SP4: variants seen among roughly 807,000 people sequenced by gnomAD.
SP4 encodes Sp4 transcription factor.
In SP4, 19 loss-of-function variants were observed where a neutral mutation model predicts 72.8. The ratio of observed to expected loss-of-function variants is 0.26; its 90% CI spans 0.18 to 0.38. The LOEUF is 0.38. Among genes scored for constraint, SP4 ranks in the 10% least tolerant of loss-of-function variants. The probability of loss-of-function intolerance (pLI) is 1.00; values close to 1 mark genes in which losing one functional copy is unlikely to be tolerated. For missense variants in SP4, 1,008 were observed against 926.3 expected (o/e 1.09, Z -1.14); for synonymous variants, 395 against 333.1 (o/e 1.19, Z -2.02).
chr7:21,485,087 C>T (rs1011484931), intron 5 of SP4, among the ~76,000 whole-genome samples: 9 of 151,750 alleles, frequency 5.9e-5, no homozygotes, highest in African/African-American at 2.2e-4. Flanking sequence ...AAAATTGTTA[C>T]TTTTAAAGAT....
rs182748090 is a variant in SP4, at chr7:21,509,954, A to G, written c.2108-1068A>G. On this transcript the variant is annotated intron_variant, in intron 5 of 5. Transcript: ENST00000222584. ...CATGGTGGAGGGCAAAGAGGAGCAA[A>G]TCACATCTCGTGTGGATGGTGGCAG... Among the ~76,000 whole-genome samples, 429 of 152,328 alleles carry G rather than the reference A, an allele frequency of 2.8e-3. 3 individuals are homozygous for G. The highest frequency in any genetic ancestry group is 8.2e-3 in the Admixed American group (126 of 15,296).
chr7:21,495,853 C>T (rs1047583833), intron 5 of SP4, among the ~76,000 whole-genome samples: 2 of 151,984 alleles, frequency 1.3e-5, no homozygotes, highest in Admixed American at 6.6e-5. Context: ...TTGGAAGTAA[C>T]CCAAATGTCC....
At chr7:21,499,106 A>C (rs1162398212) in intron 5 of SP4, among the ~76,000 whole-genome samples, 3 of 151,898 alleles carry the variant, frequency 2.0e-5, no homozygotes, top group Middle Eastern at 6.8e-3. Flanking sequence ...AAAACTGTTA[A>C]GAAAATCATA....
intron 3 of SP4, among the ~76,000 whole-genome samples, chr7:21,465,630 G>A (rs1784143284): frequency 6.6e-6 from 1 of 152,176 alleles, no homozygotes; most frequent in Non-Finnish European, 1.5e-5. Flanking sequence ...CCTTAACAAG[G>A]ATTCCCTCTC....
intron 3 of SP4, among the ~76,000 whole-genome samples, chr7:21,459,467 G>T (rs1419297828): frequency 6.6e-6 from 1 of 152,098 alleles, no homozygotes; most frequent in Non-Finnish European, 1.5e-5. Flanking sequence ...TGGTATATCA[G>T]ATTTCATTAA....
At chr7:21,438,639 A>T (rs1248773780) in intron 3 of SP4, among the ~76,000 whole-genome samples, 1 of 152,140 alleles carries the variant, frequency 6.6e-6, no homozygotes, top group African/African-American at 2.4e-5. Flanking sequence ...GTCTCCTCTT[A>T]TCTGTGGGTT....
intron 5 of SP4, among the ~76,000 whole-genome samples, chr7:21,507,882 C>G (rs1782042226): frequency 6.6e-6 from 1 of 152,098 alleles, no homozygotes; most frequent in South Asian, 2.1e-4. Context: ...GTCCATTCTC[C>G]TCACGGGAGA....
At chr7:21,453,022 C>T (rs562660351) in intron 3 of SP4, among the ~76,000 whole-genome samples, 25 of 152,262 alleles carry the variant, frequency 1.6e-4, no homozygotes, top group Admixed American at 1.6e-3. Flanking sequence ...TTGTGATCTG[C>T]CTGCCTGGGC....
chr7:21,457,880 A>G lies in SP4; in HGVS notation c.1679-19199A>G, dbSNP rs78054194. 8.9e-3 allele frequency among the ~76,000 whole-genome samples: 1,349 copies of G among 152,222 alleles called. 25 individuals carry two copies. Among genetic ancestry groups the G allele is most frequent in the African/African-American group, 0.027 (1,107 of 41,516 alleles). ...ACATATGTAGAAATAATCTTGAACT[A>G]TCTTAGCTATGAGCAATTAATGTAA... On this transcript the variant is annotated intron_variant, in intron 3 of 5. Transcript: ENST00000222584.
At chr7:21,507,524 C>G (rs577740196) in intron 5 of SP4, among the ~76,000 whole-genome samples, 1 of 152,126 alleles carries the variant, frequency 6.6e-6, no homozygotes, top group Non-Finnish European at 1.5e-5. Context: ...GGGATTTTTA[C>G]TAGGCTCTTT....
intron 5 of SP4, among the ~76,000 whole-genome samples, chr7:21,487,939 C>A (rs1260471362): frequency 6.6e-6 from 1 of 152,128 alleles, no homozygotes; most frequent in African/African-American, 2.4e-5. Flanking sequence ...CAGCTCACTG[C>A]AACCTCCTCC....
chr7:21,466,967 C>T (rs577718068), intron 3 of SP4, among the ~76,000 whole-genome samples: 1 of 151,942 alleles, frequency 6.6e-6, no homozygotes, highest in African/African-American at 2.4e-5. Context: ...ACAAATGTAC[C>T]ATATTTTAAT....
chr7:21,487,557 G>A (rs1784853866), intron 5 of SP4, among the ~76,000 whole-genome samples: 1 of 151,792 alleles, frequency 6.6e-6, no homozygotes, highest in Admixed American at 6.6e-5. Flanking sequence ...CATCATTGTT[G>A]GTGGGTTTTG....
At chr7:21,433,012 A>C (rs1416649799) in intron 3 of SP4, among the ~76,000 whole-genome samples, 3 of 152,152 alleles carry the variant, frequency 2.0e-5, no homozygotes, top group African/African-American at 7.2e-5. Flanking sequence ...AAACTCACTG[A>C]AGTTTGAGAA....
intron 3 of SP4, among the ~76,000 whole-genome samples, chr7:21,434,692 T>C (rs578143690): frequency 1.3e-5 from 2 of 151,692 alleles, no homozygotes; most frequent in African/African-American, 4.8e-5. Context: ...TCTGGGATTT[T>C]AGTGTACCCA....
chr7:21,490,116 C>G (rs1784935565), intron 5 of SP4, among the ~76,000 whole-genome samples: 1 of 152,168 alleles, frequency 6.6e-6, no homozygotes, highest in Admixed American at 6.5e-5. Flanking sequence ...TCTTAAGTAT[C>G]TAAATGAGGA....
At chr7:21,442,661 A>G (rs1457899088) in intron 3 of SP4, among the ~76,000 whole-genome samples, 5 of 152,186 alleles carry the variant, frequency 3.3e-5, no homozygotes, top group South Asian at 2.1e-4. Context: ...AAAGTTTACC[A>G]TATCAGAAGG....
At chr7:21,500,128 T>C (rs1450842268) in intron 5 of SP4, among the ~76,000 whole-genome samples, 3 of 152,224 alleles carry the variant, frequency 2.0e-5, no homozygotes, top group Admixed American at 2.0e-4. Context: ...TTAGATAATC[T>C]AGGCAAAAGG....
At chr7:21,469,841 C>T (rs1784277347) in intron 3 of SP4, among the ~76,000 whole-genome samples, 1 of 151,812 alleles carries the variant, frequency 6.6e-6, no homozygotes, top group African/African-American at 2.4e-5. Context: ...CATGAGCCAC[C>T]ATGCTGGGCC....
Sources: gnomAD v4.1 joint callset for allele counts (sites outside exome capture counted in the v4.1 genomes callset) on GRCh38, gnomAD v4.1.1 for gene constraint, MANE v1.5 for transcripts, NCBI Gene and HGNC (gene_info 2026-07-23, HGNC 2026-07-21) for gene names.